Variants in SDK2 observed in about 807,000 individuals in gnomAD.
The protein encoded by SDK2 is protein sidekick-2.
A neutral mutation model predicts 253.9 loss-of-function variants in SDK2; 105 were observed. The observed-to-expected ratio is 0.41, with a 90% CI of 0.35 to 0.49. The LOEUF is 0.49. Ranked by LOEUF, SDK2 falls within the 20% of genes least tolerant of loss-of-function variation. SDK2 has a pLI of 0.06. For missense variants in SDK2, 2,608 were observed against 3,003.0 expected, an observed-to-expected ratio of 0.87 and a Z score of 3.07; for synonymous variants, 1,249 against 1,234.9, an observed-to-expected ratio of 1.01 and a Z score of -0.24.
In SDK2 at chr17:73,401,063, C is replaced by T. The variant is rs2063020607; in HGVS notation, c.2928G>A (p.Gln976=). 2 of 1,577,458 alleles carry T rather than the reference C, an allele frequency of 1.3e-6. No homozygotes were observed. Among genetic ancestry groups the T allele is most frequent in the Non-Finnish European group, 1.7e-6 (2 of 1,161,586 alleles). The part of the protein sequence containing the change: ...IEVAAMTSKG[Q]GQVSASTISS... The stretch of plus-strand genomic sequence containing the variant: ...AGATGGTGGAGGCGGACACTTGGCC[C>T]TGGCCCTTTGAGGTCATGGCGGCCA... Residue 976 remains glutamine (Q), a synonymous_variant, in exon 21 of 45, where the codon CAG becomes CAA. Transcript: ENST00000392650.
intron 1 of SDK2, among the ~76,000 whole-genome samples, chr17:73,524,534 C>G (rs2064110166): frequency 6.6e-6 from 1 of 152,182 alleles, no homozygotes; most frequent in African/African-American, 2.4e-5. Context: ...CACATCCAGA[C>G]AGAGTGATGT....
intron 38 of SDK2, among the ~76,000 whole-genome samples, chr17:73,362,927 C>A (rs1301611732): frequency 6.6e-6 from 1 of 152,256 alleles, no homozygotes; most frequent in Non-Finnish European, 1.5e-5. Context: ...TGGGCTCAGA[C>A]CCAGTGATGG....
chr17:73,374,614 T>C (rs906243828), intron 36 of SDK2, among the ~76,000 whole-genome samples: 4 of 141,942 alleles, frequency 2.8e-5, no homozygotes, highest in African/African-American at 5.8e-5. Flanking sequence ...ATTACAAGCA[T>C]GCGCTACCAT....
chr17:73,537,912 C>CA (rs2044805511), intron 1 of SDK2, among the ~76,000 whole-genome samples: 1 of 152,158 alleles, frequency 6.6e-6, no homozygotes, highest in Non-Finnish European at 1.5e-5. Context: ...ACAAACCCCC[C>CA]AAAGGCTGAA....
intron 36 of SDK2, among the ~76,000 whole-genome samples, chr17:73,374,702 A>C (rs764323648): frequency 1.3e-5 from 2 of 151,384 alleles, no homozygotes; most frequent in Non-Finnish European, 2.9e-5. Flanking sequence ...TCCTGACCTC[A>C]AGTGATCTGC....
At chr17:73,483,877 A>C (rs2063754351) in intron 2 of SDK2, among the ~76,000 whole-genome samples, 1 of 151,258 alleles carries the variant, frequency 6.6e-6, no homozygotes, top group Non-Finnish European at 1.5e-5. Context: ...GCAGAAAGGA[A>C]TGAAAAACCA....
chr17:73,515,177 A>T (rs546683218), intron 1 of SDK2, among the ~76,000 whole-genome samples: 2 of 152,152 alleles, frequency 1.3e-5, no homozygotes, highest in Non-Finnish European at 2.9e-5. Flanking sequence ...CTGTAACTGG[A>T]CTCTGCCACA....
At chr17:73,396,801 C>G (rs1462070757) in intron 24 of SDK2, among the ~76,000 whole-genome samples, 2 of 152,138 alleles carry the variant, frequency 1.3e-5, no homozygotes, top group Non-Finnish European at 2.9e-5. Flanking sequence ...AAGCAGGGAG[C>G]CAGCCTGGGG....
In SDK2 at chr17:73,402,134, G is replaced by A; in HGVS notation, c.2492C>T (p.Ala831Val). 6.2e-7 allele frequency: 1 copy of A among 1,613,200 alleles called. No individual in the cohort carries two copies. The highest frequency in any genetic ancestry group is 8.5e-7 in the Non-Finnish European group (1 of 1,179,400). The change falls in exon 19 of 45, where the codon GCC becomes GTC. Residue 831 changes from alanine to valine, a missense_variant. Ala to Val is a moderately conservative substitution (Grantham distance 64). This residue lies in a region of SDK2 where 1,505 missense variants were observed against 1,859.1 expected (regional missense o/e 0.81). Coordinates refer to ENST00000392650, the MANE Select transcript of SDK2 (RefSeq NM_001144952.2). ...CTCCTCTTCCTGTTCCGGCTCCCAG[G>A]CGATCAGCTGCGGAGAGGCGAGCAA... ...NGINQGYKLI[A>V]WEPEQEEEVT...
intron 1 of SDK2, among the ~76,000 whole-genome samples, chr17:73,575,776 C>T (rs2045450296): frequency 6.6e-6 from 1 of 152,210 alleles, no homozygotes; most frequent in Admixed American, 6.5e-5. Context: ...GGAGACAGAG[C>T]ATACACAGAC....
chr17:73,509,357 C>A (rs900023017), intron 1 of SDK2, among the ~76,000 whole-genome samples: 1 of 152,180 alleles, frequency 6.6e-6, no homozygotes, highest in Non-Finnish European at 1.5e-5. Context: ...CCCTAAAGTA[C>A]GGTGTCCCCT....
At position 73,433,686 on chromosome 17, in the gene SDK2, C is replaced by T. The variant is rs1270670526; in HGVS notation, c.1312+46G>A. ...CCAGAGCCTAGTTCTGAAGACTCTT[C>T]TAGGCTATCACCCAGCCACACTCTC... On this transcript the variant is annotated intron_variant, in intron 10 of 44. Transcript: ENST00000392650. 3 of 1,431,320 alleles carry T rather than the reference C, an allele frequency of 2.1e-6. No individual in the cohort carries two copies. The Admixed American group carries it at 5.9e-5, about 28-fold the overall frequency. 88.7% of individuals were successfully genotyped at this position (1,431,320 alleles called of 1,614,324 possible). A position where few individuals can be genotyped will look rare whatever the true frequency, so the allele number is the denominator to read the frequency against.
chr17:73,593,344 A>C (rs908185699), intron 1 of SDK2, among the ~76,000 whole-genome samples: 3 of 152,088 alleles, frequency 2.0e-5, no homozygotes, highest in Admixed American at 2.0e-4. Context: ...AGAATGAAGG[A>C]GCCTCAGCAC....
chr17:73,447,466 C>T lies in SDK2; in HGVS notation c.613+149G>A, dbSNP rs1458818213. 21 of 1,150,262 alleles carry T rather than the reference C, an allele frequency of 1.8e-5. No individual in the cohort carries two copies. Among genetic ancestry groups the T allele is most frequent in the African/African-American group, 4.6e-5 (3 of 65,094 alleles). 71.3% of individuals were successfully genotyped at this position (1,150,262 alleles called of 1,614,324 possible). A position where few individuals can be genotyped will look rare whatever the true frequency, so the allele number is the denominator to read the frequency against. On this transcript the variant is annotated intron_variant, in intron 5 of 44. Transcript: ENST00000392650. The surrounding 1 kb of genome is among the most constrained non-coding windows in gnomAD (Gnocchi z 4.0). ...AGGCACCCCTGGCTCTGCTGTGTCT[C>T]GTCCTCCTTGGGAAGGCTCCCCCCG...
chr17:73,549,659 G>T (rs1341434727), intron 1 of SDK2, among the ~76,000 whole-genome samples: 1 of 151,960 alleles, frequency 6.6e-6, no homozygotes, highest in Non-Finnish European at 1.5e-5. Context: ...CAGAGATGGG[G>T]GCAAGTTTTA....
chr17:73,423,189 T>A (rs1375514631), intron 14 of SDK2, among the ~76,000 whole-genome samples, 197 bp downstream of exon 14: 1 of 152,224 alleles, frequency 6.6e-6, no homozygotes, highest in Non-Finnish European at 1.5e-5. Context: ...TTGTGCGTCA[T>A]CTCTTTCAAC....
chr17:73,580,061 G>C (rs960076248), intron 1 of SDK2, among the ~76,000 whole-genome samples: 2 of 151,936 alleles, frequency 1.3e-5, no homozygotes, highest in African/African-American at 4.8e-5. Flanking sequence ...GGCCATCTAT[G>C]ATCAAAGAGA....
intron 2 of SDK2, among the ~76,000 whole-genome samples, chr17:73,474,420 A>AG (rs2063671787): frequency 6.6e-6 from 1 of 152,206 alleles, no homozygotes; most frequent in Non-Finnish European, 1.5e-5. Flanking sequence ...CTGGCTGTGA[A>AG]GCTGAGGTCA....
At chr17:73,382,587 T>G (rs1282078481) in intron 33 of SDK2, among the ~76,000 whole-genome samples, 1 of 152,264 alleles carries the variant, frequency 6.6e-6, no homozygotes, top group African/African-American at 2.4e-5. Flanking sequence ...GTAACGTGTT[T>G]TATCGGTTGC....
Sources: allele counts gnomAD v4.1 joint callset (sites outside exome capture counted in the v4.1 genomes callset), GRCh38; gene constraint gnomAD v4.1.1; regional missense constraint gnomAD v4.1.1; non-coding constraint Gnocchi (gnomAD v3.1); transcripts MANE v1.5; gene names NCBI Gene and HGNC (gene_info 2026-07-23, HGNC 2026-07-21).